STPG2: variants seen among roughly 807,000 people sequenced by gnomAD.
STPG2 encodes the protein sperm-tail PG-rich repeat-containing protein 2.
In STPG2, 56 loss-of-function variants were observed where a neutral mutation model predicts 54.2. The ratio of observed to expected loss-of-function variants is 1.03; its 90% CI spans 0.83 to 1.29. STPG2 has a LOEUF of 1.29. Ranked by LOEUF, STPG2 falls within the 50% of genes most tolerant of loss-of-function variation. STPG2 has a pLI of 0.00. For missense variants in STPG2, 596 were observed against 544.9 expected, an observed-to-expected ratio of 1.09 and a Z score of -0.93; for synonymous variants, 200 against 181.8, an observed-to-expected ratio of 1.10 and a Z score of -0.81.
intron 10 of STPG2, among the ~76,000 whole-genome samples, chr4:97,620,649 G>C (rs943038045): frequency 8.5e-5 from 13 of 152,058 alleles, no homozygotes; most frequent in Admixed American, 4.6e-4. Flanking sequence ...ATAAAGCAAG[G>C]TCTTAGGCAC....
intron 9 of STPG2, among the ~76,000 whole-genome samples, chr4:97,734,059 A>G (rs1054840584): frequency 6.6e-6 from 1 of 152,190 alleles, no homozygotes; most frequent in African/African-American, 2.4e-5. Flanking sequence ...AAAAGTGCCA[A>G]AAGTGGGCAT....
At chr4:97,799,871 T>C (rs554744739) in intron 9 of STPG2, among the ~76,000 whole-genome samples, 80 of 152,314 alleles carry the variant, frequency 5.3e-4, no homozygotes, top group Non-Finnish European at 5.3e-4. Context: ...TCTTGGAGGC[T>C]TTGTTCATTT....
chr4:97,600,787 G>A (rs933921754), intron 10 of STPG2, among the ~76,000 whole-genome samples: 2 of 152,074 alleles, frequency 1.3e-5, no homozygotes, highest in South Asian at 4.1e-4. Context: ...AGCCTAAAAT[G>A]AGAAATTTAG....
At chr4:97,732,856 G>C (rs1724849886) in intron 9 of STPG2, among the ~76,000 whole-genome samples, 1 of 152,050 alleles carries the variant, frequency 6.6e-6, no homozygotes, top group African/African-American at 2.4e-5. Flanking sequence ...CTAATCATCA[G>C]GGAAATGCAA....
intron 5 of STPG2, among the ~76,000 whole-genome samples, chr4:98,072,893 A>G (rs964830212): frequency 6.6e-6 from 1 of 152,194 alleles, no homozygotes; most frequent in Non-Finnish European, 1.5e-5. Context: ...TTAGTTCCAC[A>G]CGTATTAGTC....
intron 10 of STPG2, among the ~76,000 whole-genome samples, chr4:97,689,459 C>A (rs1057381711): frequency 2.6e-5 from 4 of 151,898 alleles, no homozygotes; most frequent in African/African-American, 9.7e-5. Context: ...AATGTTGCAA[C>A]AATTGATCAG....
intron 4 of STPG2, among the ~76,000 whole-genome samples, chr4:97,532,201 C>A (rs1000849555): frequency 5.9e-5 from 9 of 151,904 alleles, no homozygotes; most frequent in Non-Finnish European, 1.3e-4. Flanking sequence ...AATGCAATTA[C>A]CTTATCATAT....
intron 4 of STPG2, among the ~76,000 whole-genome samples, chr4:97,441,744 T>C (rs1364252755): frequency 6.6e-6 from 1 of 152,048 alleles, no homozygotes; most frequent in Non-Finnish European, 1.5e-5. Flanking sequence ...CTGGCTTCTG[T>C]ATTTATTGTC....
chr4:98,112,857 A>G (rs993325994), intron 3 of STPG2, among the ~76,000 whole-genome samples: 2 of 152,094 alleles, frequency 1.3e-5, no homozygotes, highest in Non-Finnish European at 2.9e-5. Flanking sequence ...GAAGAAGGAG[A>G]TAATCATGAT....
chr4:97,566,596 G>A (rs767783494), intron 10 of STPG2, among the ~76,000 whole-genome samples: 2 of 151,918 alleles, frequency 1.3e-5, no homozygotes, highest in Non-Finnish European at 1.5e-5. Flanking sequence ...TGTTTATTGC[G>A]GCACTATTCA....
chr4:98,001,104 T>G (rs1735400745), intron 5 of STPG2, among the ~76,000 whole-genome samples: 1 of 152,158 alleles, frequency 6.6e-6, no homozygotes, highest in Admixed American at 6.6e-5. Context: ...TCACCACTGG[T>G]ATTAGTAATT....
chr4:98,128,502 C>G lies in STPG2; in HGVS notation c.313G>C (p.Asp105His). Residue 105 changes from aspartate to histidine, a missense_variant, in exon 3 of 11, where the codon GAT (aspartate) becomes CAT (histidine). Physicochemically the swap from Asp to His is moderately conservative, Grantham distance 81. Coordinates refer to ENST00000295268, the MANE Select transcript of STPG2 (RefSeq NM_174952.3). The stretch of plus-strand genomic sequence containing the variant: ...GGAAAACATTTTATAATACTGCCAT[C>G]ATCATTAATATGATAACCATATGAC... ...GKSYGYHIND[D>H]GSIIKCFPPA... The G allele has an allele frequency of 1.9e-6, 3 of 1,613,578 alleles. No homozygotes were observed. The highest frequency in any genetic ancestry group is 2.5e-6 in the Non-Finnish European group (3 of 1,179,746).
intron 10 of STPG2, among the ~76,000 whole-genome samples, chr4:97,593,058 G>C (rs1437873428): frequency 1.1e-4 from 17 of 152,130 alleles, no homozygotes; most frequent in Admixed American, 1.1e-3. Context: ...TTTGATCTGA[G>C]CACTCCCTTG....
chr4:97,552,285 G>A (rs1005593763), intron 4 of STPG2, among the ~76,000 whole-genome samples: 1 of 152,000 alleles, frequency 6.6e-6, no homozygotes, highest in African/African-American at 2.4e-5. Flanking sequence ...AAGTTGTTGT[G>A]AGAAGTGAGT....
intron 6 of STPG2, among the ~76,000 whole-genome samples, chr4:97,977,969 A>G (rs1439794381): frequency 2.0e-5 from 3 of 152,222 alleles, no homozygotes; most frequent in Non-Finnish European, 4.4e-5. Flanking sequence ...AAATTTTAGC[A>G]ACACTAATAC....
chr4:98,013,075 C>T (rs35721906), intron 5 of STPG2, among the ~76,000 whole-genome samples: 59,973 of 152,000 alleles, frequency 0.39, 12,056 homozygotes, highest in Middle Eastern at 0.46. Context: ...CAGTATGATA[C>T]TGGCTGTTGG....
intron 10 of STPG2, among the ~76,000 whole-genome samples, chr4:97,599,796 C>A (rs1281079224): frequency 6.9e-6 from 1 of 145,130 alleles, no homozygotes; most frequent in East Asian, 2.0e-4. Flanking sequence ...TGAACTCCAG[C>A]CTGGGTGACA....
At chr4:98,017,030 G>A (rs1560637208) in intron 5 of STPG2, among the ~76,000 whole-genome samples, 1 of 152,178 alleles carries the variant, frequency 6.6e-6, no homozygotes, top group Non-Finnish European at 1.5e-5. Flanking sequence ...CTGAGTCAGT[G>A]GGCAGGTAGG....
chr4:97,713,257 T>C (rs1724188807), intron 9 of STPG2, among the ~76,000 whole-genome samples: 1 of 152,166 alleles, frequency 6.6e-6, no homozygotes, highest in Admixed American at 6.6e-5. Context: ...AAAGATGGAA[T>C]GCACATGGAG....
Sources: gnomAD v4.1 joint callset for allele counts (sites outside exome capture counted in the v4.1 genomes callset) on GRCh38, gnomAD v4.1.1 for gene constraint, MANE v1.5 for transcripts, NCBI Gene and HGNC (gene_info 2026-07-23, HGNC 2026-07-21) for gene names.